The following ZFP1 variants were observed in gnomAD, a reference collection of about 807,000 sequenced individuals.
The protein encoded by ZFP1 is ZFP1 zinc finger protein.
In ZFP1, 32 loss-of-function variants were observed where a neutral mutation model predicts 38.5. The ratio of observed to expected loss-of-function variants is 0.83; its 90% CI spans 0.63 to 1.12. The LOEUF (loss-of-function observed/expected upper bound fraction) is 1.12, where lower values mean the gene tolerates loss of function less well. ZFP1 is among the 50% of genes most tolerant of loss of function. The pLI is 0.00. For missense variants in ZFP1, 616 were observed against 480.8 expected (o/e 1.28, Z -2.63); for synonymous variants, 245 against 168.8 (o/e 1.45, Z -3.50).
rs763095516 is a variant in ZFP1, at chr16:75,169,391, C to T, written c.281C>T (p.Thr94Ile). The T allele has an allele frequency of 4.3e-6, 7 of 1,614,126 alleles. No homozygotes were observed. The highest frequency in any genetic ancestry group is 5.9e-6 in the Non-Finnish European group (7 of 1,180,020). Residue 94 changes from threonine to isoleucine, a missense_variant, in exon 4 of 4, where the codon ACA becomes ATA. Thr to Ile is a moderately conservative substitution (Grantham distance 89). Coordinates refer to ENST00000570010, the MANE Select transcript of ZFP1 (RefSeq NM_153688.4). ...DLFGKALNLNTDFVSLRQVPY... is the reference protein window; with the variant it reads ...DLFGKALNLNIDFVSLRQVPY... ...TTTGGAAAAGCACTTAATCTGAACA[C>T]AGACTTTGTTTCTTTAAGACAAGTA... is the stretch of plus-strand genomic sequence containing the variant.
intron 2 of ZFP1, 121 bp from the exon 3 acceptor site, chr16:75,166,649 G>T (rs1384836639): frequency 1.3e-6 from 2 of 1,546,598 alleles, no homozygotes; most frequent in Non-Finnish European, 1.7e-6. Flanking sequence ...CAAAAACAGT[G>T]AACAAGATGT....
the ZFP1 span, among the ~76,000 whole-genome samples, chr16:75,138,024 C>CTTTTTTTT: frequency 5.2e-4 from 34 of 64,976 alleles, 6 homozygotes; most frequent in African/African-American, 2.3e-3. Flanking sequence ...CTCCCACTTC[C>CTTTTTTTT]TTTTTTTTTT....
intron 3 of ZFP1, 100 bp from the exon 4 acceptor site, chr16:75,169,153 G>C (rs2145584381): frequency 7.2e-7 from 1 of 1,387,096 alleles, no homozygotes; most frequent in South Asian, 2.0e-5. Flanking sequence ...CCAAACTAAA[G>C]AGTCAGCCCT....
At chr16:75,120,654 T>C in the ZFP1 span, among the ~76,000 whole-genome samples, 11 of 152,196 alleles carry the variant, frequency 7.2e-5, no homozygotes, top group South Asian at 4.2e-4. Context: ...CAGGCTGGAG[T>C]GCAGTGGCGC....
chr16:75,163,971 A>G (rs1198855570), intron 2 of ZFP1, among the ~76,000 whole-genome samples: 1 of 152,192 alleles, frequency 6.6e-6, no homozygotes, highest in Non-Finnish European at 1.5e-5. Context: ...TCTTTCCATC[A>G]TAGAGATAAC....
the ZFP1 span, among the ~76,000 whole-genome samples, chr16:75,135,519 A>G: frequency 6.6e-6 from 1 of 152,142 alleles, no homozygotes; most frequent in African/African-American, 2.4e-5. Flanking sequence ...ATCAATTCCA[A>G]CACTTTGGGA....
chr16:75,132,320 C>G, the ZFP1 span, among the ~76,000 whole-genome samples: 1 of 150,310 alleles, frequency 6.7e-6, no homozygotes, highest in Admixed American at 6.7e-5. Flanking sequence ...GTCTGGGAAG[C>G]AGAGTTTGCA....
At chr16:75,153,027 T>A in intron 2 of ZFP1, 61 bp downstream of exon 2, 5 of 1,590,650 alleles carry the variant, frequency 3.1e-6, no homozygotes, top group Non-Finnish European at 4.3e-6. Flanking sequence ...TTTATAAGGA[T>A]CCAGAAAATG....
upstream of ZFP1, among the ~76,000 whole-genome samples, chr16:75,144,820 C>G (rs923243876): frequency 6.6e-6 from 1 of 152,082 alleles, no homozygotes; most frequent in South Asian, 2.1e-4. Flanking sequence ...TGTCTGCCTT[C>G]TTTCTTTTTT....
chr16:75,137,715 C>G, the ZFP1 span, among the ~76,000 whole-genome samples: 1 of 151,904 alleles, frequency 6.6e-6, no homozygotes, highest in African/African-American at 2.4e-5. Flanking sequence ...ATCCGCCCGC[C>G]TTGGCTTCCC....
the ZFP1 span, among the ~76,000 whole-genome samples, chr16:75,134,250 T>G: frequency 1.8e-4 from 28 of 152,232 alleles, no homozygotes; most frequent in African/African-American, 6.3e-4. Flanking sequence ...CTGAATGTTA[T>G]GTTAGGTGAA....
the ZFP1 span, among the ~76,000 whole-genome samples, chr16:75,123,296 G>A: frequency 2.0e-5 from 3 of 151,148 alleles, no homozygotes; most frequent in Non-Finnish European, 4.4e-5. Context: ...GGAGGTTGCA[G>A]TGAACCAAGA....
intron 2 of ZFP1, among the ~76,000 whole-genome samples, chr16:75,161,851 C>G (rs2037807735): frequency 1.5e-5 from 2 of 131,166 alleles, no homozygotes; most frequent in African/African-American, 3.0e-5. Context: ...GTAGCACGAT[C>G]TAGGCTCACT....
chr16:75,167,345 GTACCTCAATCTCTGAAGCA>G (rs1486082982), intron 3 of ZFP1, among the ~76,000 whole-genome samples: 2 of 151,606 alleles, frequency 1.3e-5, no homozygotes, highest in Non-Finnish European at 2.9e-5. Context: ...CAGATGACCT[GTACCTCAATCTCTGAAGCA>G]TACCTCCAAA....
upstream of ZFP1, among the ~76,000 whole-genome samples, chr16:75,146,984 CAT>C (rs1259835670): frequency 1.5e-5 from 2 of 136,130 alleles, no homozygotes; most frequent in African/African-American, 5.5e-5. Context: ...TTGAGGGAAA[CAT>C]GAGGGAAACT....
rs749524137 is a variant in ZFP1, at chr16:75,170,365, C to G, written c.*31C>G. 3 of 1,527,044 alleles carry G rather than the reference C, an allele frequency of 2.0e-6. No individual in the cohort carries two copies. Among genetic ancestry groups the G allele is most frequent in the African/African-American group, 1.4e-5 (1 of 72,184 alleles). 94.6% of individuals were successfully genotyped at this position (1,527,044 alleles called of 1,614,324 possible). A position where few individuals can be genotyped will look rare whatever the true frequency, so the allele number is the denominator to read the frequency against. Reference sequence around the variant, plus strand: ...CAGCCAGGTCTTACTGTGGAAAACTCCTGCCAGAACTCTTCAAGCGGGTGA... The same window carrying G: ...CAGCCAGGTCTTACTGTGGAAAACTGCTGCCAGAACTCTTCAAGCGGGTGA... On this transcript the variant is annotated 3_prime_UTR_variant, in exon 4 of 4. Coordinates refer to ENST00000570010, the MANE Select transcript of ZFP1 (RefSeq NM_153688.4).
chr16:75,131,016 C>T, the ZFP1 span, among the ~76,000 whole-genome samples: 3 of 152,112 alleles, frequency 2.0e-5, no homozygotes, highest in Non-Finnish European at 2.9e-5. Context: ...TCCTATATCC[C>T]GCTTCCTCCC....
chr16:75,145,243 G>C (rs2145479103), upstream of ZFP1, among the ~76,000 whole-genome samples: 1 of 152,276 alleles, frequency 6.6e-6, no homozygotes, highest in East Asian at 1.9e-4. Flanking sequence ...ATACCTATTA[G>C]AATGGCCAAA....
chr16:75,141,317 C>G, the ZFP1 span, among the ~76,000 whole-genome samples: 5 of 150,418 alleles, frequency 3.3e-5, no homozygotes, highest in African/African-American at 9.7e-5. Context: ...ATTCTCCTGC[C>G]TCAGCCTCCC....
Sources: allele counts gnomAD v4.1 joint callset (sites outside exome capture counted in the v4.1 genomes callset), GRCh38; gene constraint gnomAD v4.1.1; transcripts MANE v1.5; gene names NCBI Gene and HGNC (gene_info 2026-07-23, HGNC 2026-07-21).